The following DGKB variants were observed in gnomAD, a reference collection of about 807,000 sequenced individuals.
DGKB encodes the protein 90 kDa diacylglycerol kinase.
In DGKB, 67 loss-of-function variants were observed where a neutral mutation model predicts 114.3. The ratio of observed to expected loss-of-function variants is 0.59; its 90% CI spans 0.48 to 0.72. The LOEUF (loss-of-function observed/expected upper bound fraction) is 0.72, where lower values mean the gene tolerates loss of function less well. DGKB is among the 30% of genes least tolerant of loss of function. The pLI is 0.00. For missense variants in DGKB, 907 were observed against 975.2 expected (o/e 0.93, Z 0.93); for synonymous variants, 398 against 323.1 (o/e 1.23, Z -2.49).
intron 1 of DGKB, among the ~76,000 whole-genome samples, chr7:14,916,959 C>T (rs534543192): frequency 1.6e-4 from 25 of 151,798 alleles, no homozygotes; most frequent in Non-Finnish European, 2.2e-4. Flanking sequence ...AATGGAACTA[C>T]GCAGAAATCA....
At chr7:14,473,554 T>G (rs1563265160) in intron 21 of DGKB, among the ~76,000 whole-genome samples, 1 of 152,056 alleles carries the variant, frequency 6.6e-6, no homozygotes, top group Non-Finnish European at 1.5e-5. Context: ...AGTGGAGCTG[T>G]GAGAAGAGGG....
intron 20 of DGKB, among the ~76,000 whole-genome samples, chr7:14,497,892 T>C (rs1785536420): frequency 6.6e-6 from 1 of 151,834 alleles, no homozygotes; most frequent in South Asian, 2.1e-4. Context: ...AATTCCTTTA[T>C]ATAACCAAGT....
chr7:14,619,204 G>A (rs1296585362), intron 15 of DGKB, among the ~76,000 whole-genome samples: 1 of 150,746 alleles, frequency 6.6e-6, no homozygotes, highest in East Asian at 1.9e-4. Context: ...TGTTTTTTTA[G>A]GGCTGATTTC....
At chr7:14,326,068 T>A (rs1190938972) in intron 23 of DGKB, among the ~76,000 whole-genome samples, 1 of 77,432 alleles carries the variant, frequency 1.3e-5, no homozygotes, top group Non-Finnish European at 3.1e-5. Flanking sequence ...CACAGATTTC[T>A]TTTTTTTTTT....
At chr7:14,876,035 G>A (rs551892204) in intron 1 of DGKB, among the ~76,000 whole-genome samples, 11 of 152,196 alleles carry the variant, frequency 7.2e-5, no homozygotes, top group African/African-American at 2.4e-4. Context: ...TGCCTTTGAG[G>A]TAGGAGGCAG....
At chr7:14,655,809 T>C (rs1440063042) in intron 13 of DGKB, among the ~76,000 whole-genome samples, 1 of 151,660 alleles carries the variant, frequency 6.6e-6, no homozygotes, top group African/African-American at 2.4e-5. Context: ...TTCTTACTTA[T>C]ATATGGGATC....
chr7:14,149,102 T>G lies in DGKB; in HGVS notation c.*29A>C. 6.3e-7 allele frequency: 1 copy of G among 1,583,950 alleles called. No homozygotes were observed. The highest frequency in any genetic ancestry group is 8.7e-7 in the Non-Finnish European group (1 of 1,152,818). ...TGTTCCATGGCCCAATTATGCTAAT[T>G]CAATTTCTAAGAGTGAAACAACACA... is the stretch of plus-strand genomic sequence containing the variant. On this transcript the variant is annotated 3_prime_UTR_variant, in exon 26 of 26. Transcript: ENST00000402815.
At chr7:14,509,770 T>C (rs1787698274) in intron 20 of DGKB, among the ~76,000 whole-genome samples, 1 of 152,198 alleles carries the variant, frequency 6.6e-6, no homozygotes, top group Non-Finnish European at 1.5e-5. Flanking sequence ...TTCTAACTCC[T>C]TTGTCTCCGC....
intron 2 of DGKB, among the ~76,000 whole-genome samples, chr7:14,794,165 C>G (rs910403593): frequency 2.0e-5 from 3 of 152,060 alleles, no homozygotes; most frequent in Non-Finnish European, 2.9e-5. Context: ...CTCTGAAGAA[C>G]CCTCACTAAC....
At chr7:14,667,661 T>C (rs890314693) in intron 13 of DGKB, among the ~76,000 whole-genome samples, 3 of 152,040 alleles carry the variant, frequency 2.0e-5, no homozygotes, top group African/African-American at 7.2e-5. Flanking sequence ...CAGTGTGAAA[T>C]TATTCCTGGA....
At position 14,736,150 on chromosome 7, in the gene DGKB, C is replaced by T; in HGVS notation, c.213G>A (p.Leu71=). The part of the protein sequence containing the change: ...EGFKLFMKTF[L]EAELPDDFTA... Reference sequence around the variant, plus strand: ...TGAAATCATCAGGAAGCTCGGCTTCCAGGAATGTCTTCATGAATAGTTTGA... The same window carrying T: ...TGAAATCATCAGGAAGCTCGGCTTCTAGGAATGTCTTCATGAATAGTTTGA... The change falls in exon 5 of 26, where the codon CTG becomes CTA. Residue 71 remains leucine (L), a synonymous_variant. Transcript: ENST00000402815. The T allele has an allele frequency of 6.2e-7, 1 of 1,607,880 alleles. No individual in the cohort carries two copies. Among genetic ancestry groups the T allele is most frequent in the African/African-American group, 1.3e-5 (1 of 74,836 alleles).
intron 12 of DGKB, among the ~76,000 whole-genome samples, chr7:14,679,144 G>A (rs1243127408): frequency 6.6e-6 from 1 of 151,542 alleles, no homozygotes; most frequent in East Asian, 2.0e-4. Context: ...TTCTACAGGA[G>A]AGAGAGAAAT....
At chr7:14,676,799 T>G (rs948220188) in intron 12 of DGKB, among the ~76,000 whole-genome samples, 1 of 151,892 alleles carries the variant, frequency 6.6e-6, no homozygotes, top group African/African-American at 2.4e-5. Flanking sequence ...ACTACAGCAT[T>G]GAAGATGCTG....
At chr7:14,462,310 C>G (rs1833200875) in intron 21 of DGKB, among the ~76,000 whole-genome samples, 1 of 152,112 alleles carries the variant, frequency 6.6e-6, no homozygotes, top group Admixed American at 6.6e-5. Context: ...GAGAGGAAGT[C>G]AAATTGTCTC....
chr7:14,357,875 T>C (rs9719964), intron 21 of DGKB, among the ~76,000 whole-genome samples: 11,818 of 152,236 alleles, frequency 0.078, 769 homozygotes, highest in African/African-American at 0.17. Flanking sequence ...TGGCTGGATA[T>C]GAAATTCTGG....
intron 13 of DGKB, among the ~76,000 whole-genome samples, chr7:14,643,171 A>G (rs1233186206): frequency 6.6e-6 from 1 of 152,202 alleles, no homozygotes; most frequent in Non-Finnish European, 1.5e-5. Context: ...CAAAGCAGCT[A>G]GCCAGGATCA....
chr7:14,233,374 T>G (rs7783422), intron 23 of DGKB, among the ~76,000 whole-genome samples: 41,448 of 151,864 alleles, frequency 0.27, 5,751 homozygotes, highest in African/African-American at 0.34. Flanking sequence ...GATGTTCGTA[T>G]TTGCTACTTT....
intron 23 of DGKB, among the ~76,000 whole-genome samples, chr7:14,254,085 A>C (rs1431671101): frequency 6.6e-6 from 1 of 152,212 alleles, no homozygotes; most frequent in Non-Finnish European, 1.5e-5. Flanking sequence ...TGAGAGGTAC[A>C]AAAGAAGAAG....
At chr7:14,183,575 G>A (rs879851439) in intron 23 of DGKB, among the ~76,000 whole-genome samples, 3 of 152,098 alleles carry the variant, frequency 2.0e-5, no homozygotes, top group Non-Finnish European at 2.9e-5. Context: ...CCCTGCTAAG[G>A]GATTTATAGG....
Sources: gnomAD v4.1 joint callset for allele counts (sites outside exome capture counted in the v4.1 genomes callset) on GRCh38, gnomAD v4.1.1 for gene constraint, MANE v1.5 for transcripts, NCBI Gene and HGNC (gene_info 2026-07-23, HGNC 2026-07-21) for gene names.